Variants in KCTD8 observed in about 807,000 individuals in gnomAD.
The protein encoded by KCTD8 is BTB/POZ domain-containing protein KCTD8.
In KCTD8, 27 loss-of-function variants were observed where a neutral mutation model predicts 31.5. That is an observed-to-expected ratio of 0.86 (90% CI 0.63 to 1.18). The LOEUF (loss-of-function observed/expected upper bound fraction) is 1.18, where lower values mean the gene tolerates loss of function less well. KCTD8 is among the 50% of genes most tolerant of loss of function. The pLI is 0.00. For synonymous variants in KCTD8, 290 were observed against 280.0 expected (o/e 1.04, Z -0.36); for missense variants, 658 against 647.7 (o/e 1.02, Z -0.17).
intron 1 of KCTD8, among the ~76,000 whole-genome samples, chr4:44,444,407 A>C (rs201911539): frequency 1.3e-5 from 2 of 152,246 alleles, no homozygotes; most frequent in East Asian, 3.8e-4. Context: ...CATAATTCTG[A>C]AAGTATAGTA....
intron 1 of KCTD8, among the ~76,000 whole-genome samples, chr4:44,268,231 G>T (rs578254167): frequency 1.3e-5 from 2 of 151,114 alleles, no homozygotes; most frequent in South Asian, 4.2e-4. Flanking sequence ...ATGCAAGGCT[G>T]GTTCAATATA....
intron 1 of KCTD8, among the ~76,000 whole-genome samples, chr4:44,393,852 G>C (rs1720433206): frequency 6.6e-6 from 1 of 151,256 alleles, no homozygotes; most frequent in Non-Finnish European, 1.5e-5. Context: ...CAAATAAAGA[G>C]CTTATTTTTG....
chr4:44,349,049 T>C (rs1050803394), intron 1 of KCTD8, among the ~76,000 whole-genome samples: 2 of 150,670 alleles, frequency 1.3e-5, no homozygotes, highest in African/African-American at 4.9e-5. Flanking sequence ...CTATGCTTAG[T>C]AGCACCACCA....
intron 1 of KCTD8, among the ~76,000 whole-genome samples, chr4:44,438,924 G>C (rs2109482776): frequency 1.3e-5 from 2 of 152,284 alleles, no homozygotes; most frequent in East Asian, 3.9e-4. Context: ...GCTTTAAAGT[G>C]AATACAATTG....
chr4:44,258,039 T>G (rs1268881598), intron 1 of KCTD8, among the ~76,000 whole-genome samples: 1 of 152,042 alleles, frequency 6.6e-6, no homozygotes. Flanking sequence ...TATTTTGAGT[T>G]GCCTATTGTG....
chr4:44,270,022 C>A (rs1323391155), intron 1 of KCTD8, among the ~76,000 whole-genome samples: 2 of 151,968 alleles, frequency 1.3e-5, no homozygotes, highest in Non-Finnish European at 2.9e-5. Context: ...ACCATTTGAC[C>A]CAGCCATCCC....
chr4:44,320,594 A>G (rs1291390714), intron 1 of KCTD8, among the ~76,000 whole-genome samples: 1 of 152,208 alleles, frequency 6.6e-6, no homozygotes, highest in Non-Finnish European at 1.5e-5. Flanking sequence ...ACCTCACCAA[A>G]TAAAGCATTT....
chr4:44,256,799 A>ATCTAAAAT (rs1716005636), intron 1 of KCTD8, among the ~76,000 whole-genome samples: 1 of 151,940 alleles, frequency 6.6e-6, no homozygotes, highest in South Asian at 2.1e-4. Context: ...GGAAAAGGCA[A>ATCTAAAAT]GAACTTCAAG....
At chr4:44,326,702 G>T (rs1718450179) in intron 1 of KCTD8, among the ~76,000 whole-genome samples, 1 of 151,700 alleles carries the variant, frequency 6.6e-6, no homozygotes, top group South Asian at 2.1e-4. Context: ...ATATGTCCAT[G>T]AGTCTAGTTG....
rs1442046951 is a variant in KCTD8, at chr4:44,193,289, A to T, written c.962-18039T>A. Among the ~76,000 whole-genome samples, 25 of 152,166 alleles carry T rather than the reference A, an allele frequency of 1.6e-4. 1 individual carries two copies. Among genetic ancestry groups the T allele is most frequent in the Admixed American group, 1.6e-3 (24 of 15,276 alleles). Reference sequence around the variant, plus strand: ...TAACTTCATAAAGTAGAGGCCTCTCATGTTTATTTTACACATTAGGAAGTG... The same window carrying T: ...TAACTTCATAAAGTAGAGGCCTCTCTTGTTTATTTTACACATTAGGAAGTG... On this transcript the variant is annotated intron_variant, in intron 1 of 1. Coordinates refer to ENST00000360029, the MANE Select transcript of KCTD8 (RefSeq NM_198353.3).
intron 1 of KCTD8, among the ~76,000 whole-genome samples, chr4:44,325,905 C>T (rs886083314): frequency 6.6e-6 from 1 of 151,918 alleles, no homozygotes; most frequent in African/African-American, 2.4e-5. Flanking sequence ...ATAAGATATG[C>T]TTTTCTTCTG....
At chr4:44,279,661 A>C (rs1716845685) in intron 1 of KCTD8, among the ~76,000 whole-genome samples, 1 of 152,094 alleles carries the variant, frequency 6.6e-6, no homozygotes, top group African/African-American at 2.4e-5. Flanking sequence ...GTCATGGGGA[A>C]CAGAATTCTG....
At position 44,208,688 on chromosome 4, in the gene KCTD8, T is replaced by C. The variant is rs540230286; in HGVS notation, c.962-33438A>G. ...CCTATGCCTCTCAACTTCTTGCTCATATACTGCCCTGCCCTTCAATTCATA... is the reference window on the plus strand; with the variant it reads ...CCTATGCCTCTCAACTTCTTGCTCACATACTGCCCTGCCCTTCAATTCATA... On this transcript the variant is annotated intron_variant, in intron 1 of 1. Coordinates refer to ENST00000360029, the MANE Select transcript of KCTD8 (RefSeq NM_198353.3). Among the ~76,000 whole-genome samples, 227 of 152,308 alleles carry C rather than the reference T, an allele frequency of 1.5e-3. 1 individual carries two copies. Among genetic ancestry groups the C allele is most frequent in the African/African-American group, 5.2e-3 (217 of 41,576 alleles).
At chr4:44,309,557 C>T (rs1717893969) in intron 1 of KCTD8, among the ~76,000 whole-genome samples, 1 of 152,092 alleles carries the variant, frequency 6.6e-6, no homozygotes, top group African/African-American at 2.4e-5. Context: ...CTTTTACTCA[C>T]AACATATTCA....
At chr4:44,401,829 T>A (rs1311089750) in intron 1 of KCTD8, among the ~76,000 whole-genome samples, 1 of 152,168 alleles carries the variant, frequency 6.6e-6, no homozygotes, top group Non-Finnish European at 1.5e-5. Flanking sequence ...TCTCTAAGCC[T>A]CAAAATACAA....
chr4:44,386,378 A>C (rs144715940), intron 1 of KCTD8, among the ~76,000 whole-genome samples: 2 of 151,716 alleles, frequency 1.3e-5, no homozygotes, highest in East Asian at 3.9e-4. Flanking sequence ...GGAAAAAAAA[A>C]CTAAGGCGTG....
chr4:44,306,954 T>C (rs982495779), intron 1 of KCTD8, among the ~76,000 whole-genome samples: 8 of 151,868 alleles, frequency 5.3e-5, no homozygotes, highest in South Asian at 2.1e-4. Context: ...AATCAAAAGA[T>C]ATAAAGAGTG....
intron 1 of KCTD8, among the ~76,000 whole-genome samples, chr4:44,317,280 C>A (rs1382883042): frequency 1.0e-5 from 1 of 99,236 alleles, no homozygotes; most frequent in Non-Finnish European, 2.0e-5. Flanking sequence ...TCGCCCAGGC[C>A]GGACTGCGGA....
intron 1 of KCTD8, among the ~76,000 whole-genome samples, chr4:44,223,892 G>T (rs994956414): frequency 1.3e-5 from 2 of 152,168 alleles, no homozygotes; most frequent in African/African-American, 4.8e-5. Context: ...TACTACAAAG[G>T]CAGAGTTGAG....
Sources: gnomAD v4.1 joint callset for allele counts (sites outside exome capture counted in the v4.1 genomes callset) on GRCh38, gnomAD v4.1.1 for gene constraint, MANE v1.5 for transcripts, NCBI Gene and HGNC (gene_info 2026-07-23, HGNC 2026-07-21) for gene names.